Variants in PCDHA3 observed in about 807,000 individuals in gnomAD.
The protein encoded by PCDHA3 is protocadherin alpha-3.
Under a neutral mutation model 62.2 loss-of-function variants are expected in PCDHA3, and 41 were observed. That is an observed-to-expected ratio of 0.66 (90% CI 0.51 to 0.86). PCDHA3 has a LOEUF of 0.86. Ranked by LOEUF, PCDHA3 falls within the 40% of genes least tolerant of loss-of-function variation. PCDHA3 has a pLI of 0.00. For missense variants in PCDHA3, 1,304 were observed against 1,241.2 expected (o/e 1.05, Z -0.76); for synonymous variants, 640 against 555.4 (o/e 1.15, Z -2.14).
rs1341759939 is a variant in PCDHA3, at chr5:140,811,008, CTTA to C, written c.2394+7423_2394+7425del. The C allele has an allele frequency of 5.3e-5, 8 of 152,120 alleles. No homozygotes were observed. In the East Asian group the frequency reaches 1.2e-3, roughly 22 times the overall value. The allele number at this position is 152,120 out of a possible 1,614,324, so 9.4% of individuals were successfully genotyped here. A position where few individuals can be genotyped will look rare whatever the true frequency, so the allele number is the denominator to read the frequency against. On this transcript the variant is annotated intron_variant, in intron 1 of 3. Transcript: ENST00000522353. ...GGGTCAAGATTTATTTTTATTTCTTCTTATTATTTTTATTATACTTTAAGTTCT... is the reference window on the plus strand; with the variant it reads ...GGGTCAAGATTTATTTTTATTTCTTCTTATTTTTATTATACTTTAAGTTCT...
intron 1 of PCDHA3, chr5:140,841,151 T>C (rs1777047208): frequency 1.2e-6 from 1 of 800,306 alleles, no homozygotes; most frequent in Admixed American, 3.0e-5. Flanking sequence ...GATGTCGCTG[T>C]CTACCAAGAA....
At chr5:140,858,313 G>C (rs781800844) in intron 1 of PCDHA3, 2 of 1,597,108 alleles carry the variant, frequency 1.3e-6, no homozygotes, top group East Asian at 4.5e-5. Context: ...GGCGGCAGAG[G>C]GTGTGTTCTG....
chr5:140,853,994 C>T (rs1157670229), intron 1 of PCDHA3: 36 of 477,606 alleles, frequency 7.5e-5, no homozygotes, highest in Non-Finnish European at 9.6e-5. Flanking sequence ...TGAGACTCAT[C>T]TCTGCCAAAA....
At position 140,850,252 on chromosome 5, in the gene PCDHA3, G is replaced by C. The variant is rs1377963742; in HGVS notation, c.2394+46661G>C. 3.1e-5 allele frequency: 49 copies of C among 1,593,714 alleles called. 1 individual carries two copies. The East Asian group carries it at 1.0e-3, about 34-fold the overall frequency. ...AGCGAGATGGTGCTGCGGTCGGTGGGCGCCGGCGTAGTGGTGGGGAAGGTG... is the reference window on the plus strand; with the variant it reads ...AGCGAGATGGTGCTGCGGTCGGTGGCCGCCGGCGTAGTGGTGGGGAAGGTG... On this transcript the variant is annotated intron_variant, in intron 1 of 3. Transcript: ENST00000522353.
At chr5:140,877,946 C>G in intron 1 of PCDHA3, 1 of 1,349,558 alleles carries the variant, frequency 7.4e-7, no homozygotes, top group South Asian at 1.7e-5. Context: ...TTTAAACTAT[C>G]GAATGTCTCA....
chr5:140,822,497 T>C, intron 1 of PCDHA3: 1 of 1,613,868 alleles, frequency 6.2e-7, no homozygotes, highest in Non-Finnish European at 8.5e-7. Flanking sequence ...GCCCCAGAAT[T>C]TGATAAATCC....
Position 140,975,977 on chromosome 5 carries a change from TA to T in PCDHA3, c.2395-2971del, listed in dbSNP as rs781900191. ...GTTCTTCACCAATAGAAAGTAAGCATAGTCCTGGGAGGTACCATCTAAGTAT... is the reference window on the plus strand; with the variant it reads ...GTTCTTCACCAATAGAAAGTAAGCATGTCCTGGGAGGTACCATCTAAGTAT... On this transcript the variant is annotated intron_variant, in intron 1 of 3. Coordinates refer to ENST00000522353, the MANE Select transcript of PCDHA3 (RefSeq NM_018906.3). Among the ~76,000 whole-genome samples, 17 of 152,284 alleles carry T rather than the reference TA, an allele frequency of 1.1e-4. 1 individual carries two copies. The highest frequency in any genetic ancestry group is 1.8e-4 in the Non-Finnish European group (12 of 68,014).
intron 1 of PCDHA3, among the ~76,000 whole-genome samples, chr5:140,977,307 G>A (rs1023836424): frequency 6.6e-6 from 1 of 152,304 alleles, no homozygotes; most frequent in Non-Finnish European, 1.5e-5. Context: ...ACAAGCTAAC[G>A]ATAGTGCTCC....
intron 1 of PCDHA3, chr5:140,825,908 A>G (rs1214842768): frequency 6.6e-6 from 1 of 152,422 alleles, no homozygotes; most frequent in Non-Finnish European, 1.5e-5. Flanking sequence ...GTTTGAGACT[A>G]CGCTAGACAG....
chr5:140,850,137 A>G, intron 1 of PCDHA3: 1 of 1,595,786 alleles, frequency 6.3e-7, no homozygotes, highest in South Asian at 1.1e-5. Flanking sequence ...TCTGGGCAGC[A>G]ACGTGACGCT....
chr5:140,827,471 T>C (rs1554130800), intron 1 of PCDHA3, among the ~76,000 whole-genome samples: 2 of 152,222 alleles, frequency 1.3e-5, no homozygotes, highest in Non-Finnish European at 2.9e-5. Flanking sequence ...CTGATATTTA[T>C]TGAACAAAGA....
At chr5:140,843,145 G>C in intron 1 of PCDHA3, 1 of 1,596,072 alleles carries the variant, frequency 6.3e-7, no homozygotes, top group South Asian at 1.1e-5. Context: ...CGTGGCTTTC[G>C]TATGAGCTGC....
intron 1 of PCDHA3, among the ~76,000 whole-genome samples, chr5:140,831,828 T>G (rs149132761): frequency 6.6e-6 from 1 of 152,292 alleles, no homozygotes; most frequent in Non-Finnish European, 1.5e-5. Flanking sequence ...TAAACACTAG[T>G]TTCAATGATA....
chr5:140,824,302 G>A (rs1254375286), intron 1 of PCDHA3: 3 of 834,792 alleles, frequency 3.6e-6, no homozygotes, highest in East Asian at 2.5e-5. Flanking sequence ...TTCTGCTGGG[G>A]TAATAGATTC....
intron 1 of PCDHA3, among the ~76,000 whole-genome samples, chr5:140,891,866 T>C (rs2063289213): frequency 6.6e-6 from 1 of 152,184 alleles, no homozygotes; most frequent in Non-Finnish European, 1.5e-5. Flanking sequence ...TCTCTTATGC[T>C]TTTGGCTCTG....
intron 1 of PCDHA3, chr5:140,857,702 G>C: frequency 6.3e-7 from 1 of 1,597,414 alleles, no homozygotes; most frequent in Non-Finnish European, 8.6e-7. Context: ...GACGCTGCAG[G>C]TGTTCGTGCT....
Position 140,802,208 on chromosome 5 carries a change from A to T in PCDHA3, c.1011A>T (p.Leu337=). The T allele has an allele frequency of 6.2e-7, 1 of 1,614,170 alleles. No homozygotes were observed. Among genetic ancestry groups the T allele is most frequent in the Non-Finnish European group, 8.5e-7 (1 of 1,180,030 alleles). The part of the protein sequence containing the change: ...NPPMSDHCTV[L]LEIVDINDNV... ...CAATGTCAGATCACTGCACAGTTCT[A>T]CTCGAAATTGTGGACATCAATGATA... The change falls in exon 1 of 4, where the codon CTA becomes CTT. Residue 337 remains leucine, a synonymous_variant. Coordinates refer to ENST00000522353, the MANE Select transcript of PCDHA3 (RefSeq NM_018906.3).
At chr5:140,877,745 T>C (rs1554170071) in intron 1 of PCDHA3, 3 of 1,614,108 alleles carry the variant, frequency 1.9e-6, no homozygotes, top group Non-Finnish European at 2.5e-6. Context: ...AGGCAGAGGG[T>C]GTGCTCTGCA....
In PCDHA3 at chr5:140,841,863, A is replaced by T. The variant is rs1288637378; in HGVS notation, c.2394+38272A>T. On this transcript the variant is annotated intron_variant, in intron 1 of 3. Transcript: ENST00000522353. ...AGCTCTCATGATTACTTCATGCTAGATGTGAATTCAAAGAACGATGAGAAT... is the reference window on the plus strand; with the variant it reads ...AGCTCTCATGATTACTTCATGCTAGTTGTGAATTCAAAGAACGATGAGAAT... The T allele has an allele frequency of 9.9e-6, 16 of 1,613,706 alleles. No individual in the cohort carries two copies. In the Admixed American group the frequency reaches 2.7e-4, roughly 27 times the overall value.
Sources: gnomAD v4.1 joint callset for allele counts (sites outside exome capture counted in the v4.1 genomes callset) on GRCh38, gnomAD v4.1.1 for gene constraint, MANE v1.5 for transcripts, NCBI Gene and HGNC (gene_info 2026-07-23, HGNC 2026-07-21) for gene names.